SORBS2: variants seen among roughly 807,000 people sequenced by gnomAD.
SORBS2 encodes sorbin and SH3 domain containing 2.
Under a neutral mutation model 97.7 loss-of-function variants are expected in SORBS2, and 46 were observed. The observed-to-expected ratio is 0.47, with a 90% CI of 0.37 to 0.60. The LOEUF (loss-of-function observed/expected upper bound fraction) is 0.60, where lower values mean the gene tolerates loss of function less well. Among genes scored for constraint, SORBS2 ranks in the 20% least tolerant of loss-of-function variants. SORBS2 has a pLI of 0.00. For missense variants in SORBS2, 1,316 were observed against 1,282.3 expected (o/e 1.03, Z -0.40); for synonymous variants, 476 against 473.4 (o/e 1.01, Z -0.07).
intron 1 of SORBS2, among the ~76,000 whole-genome samples, chr4:185,815,853 G>C (rs4862576): frequency 0.99 from 150,532 of 152,324 alleles, 74,408 homozygotes; most frequent in Middle Eastern, 1. Flanking sequence ...ACTATTCTTT[G>C]CACTTTTCTA....
At chr4:185,620,139 G>A in exon 8 of SORBS2, 1 of 1,606,622 alleles carries the variant, frequency 6.2e-7, no homozygotes. Flanking sequence ...GTAACTTCTA[G>A]GGGACTCACG....
At chr4:185,878,547 G>A (rs1470807432) in intron 1 of SORBS2, among the ~76,000 whole-genome samples, 2 of 152,098 alleles carry the variant, frequency 1.3e-5, no homozygotes, top group Non-Finnish European at 2.9e-5. Flanking sequence ...ATGTCCTGTG[G>A]ACTTTGCCGC....
chr4:185,694,724 T>TTTTTTTTTTG (rs2098149296), intron 2 of SORBS2, among the ~76,000 whole-genome samples: 1 of 148,040 alleles, frequency 6.8e-6, no homozygotes, highest in Non-Finnish European at 1.5e-5. Flanking sequence ...TTCTTTTTTT[T>TTTTTTTTTTG]GAGACGGAGT....
intron 1 of SORBS2, among the ~76,000 whole-genome samples, chr4:185,915,395 A>T (rs1002241042): frequency 6.6e-6 from 1 of 152,214 alleles, no homozygotes; most frequent in Non-Finnish European, 1.5e-5. Context: ...TGTTGGCCAG[A>T]AACCTAAATA....
At chr4:185,842,384 A>T (rs2099212064) in intron 1 of SORBS2, among the ~76,000 whole-genome samples, 1 of 152,196 alleles carries the variant, frequency 6.6e-6, no homozygotes, top group African/African-American at 2.4e-5. Flanking sequence ...GTGTCAGAAG[A>T]TGAGACCTGA....
chr4:185,928,607 G>A (rs952893279), intron 1 of SORBS2, among the ~76,000 whole-genome samples: 11 of 151,906 alleles, frequency 7.2e-5, no homozygotes, highest in South Asian at 2.1e-4. Context: ...GTGCAGTGGC[G>A]CGATCTTGGC....
chr4:185,767,185 G>A (rs990729317), intron 2 of SORBS2, among the ~76,000 whole-genome samples: 2 of 151,998 alleles, frequency 1.3e-5, no homozygotes. Context: ...CTGGACCAAT[G>A]GTTTTCTTGT....
chr4:185,905,704 T>A (rs572210602), intron 1 of SORBS2, among the ~76,000 whole-genome samples: 1 of 152,044 alleles, frequency 6.6e-6, no homozygotes, highest in Admixed American at 6.6e-5. Context: ...CCTCAAGCAA[T>A]CCTCCCACCT....
At chr4:185,586,725 G>GAAT (rs1325894293) in exon 15 of SORBS2, 1 of 152,562 alleles carries the variant, frequency 6.6e-6, no homozygotes, top group Non-Finnish European at 1.5e-5. Context: ...GTGTCTGTTA[G>GAAT]AATAATTCTT....
At chr4:185,919,645 C>A (rs1052725390) in intron 1 of SORBS2, among the ~76,000 whole-genome samples, 2 of 152,316 alleles carry the variant, frequency 1.3e-5, no homozygotes, top group African/African-American at 4.8e-5. Context: ...GTCAAACCCG[C>A]ATCAGAAAAG....
chr4:185,643,261 G>A (rs2097156698), intron 4 of SORBS2, among the ~76,000 whole-genome samples: 1 of 152,184 alleles, frequency 6.6e-6, no homozygotes, highest in Non-Finnish European at 1.5e-5. Flanking sequence ...AAGAGGTGGT[G>A]GGGAGAGCTT....
At chr4:185,721,074 C>A (rs951416427) in intron 2 of SORBS2, among the ~76,000 whole-genome samples, 4 of 133,316 alleles carry the variant, frequency 3.0e-5, no homozygotes, top group African/African-American at 1.1e-4. Flanking sequence ...CTCCTGCTTT[C>A]CCACCTATTC....
intron 1 of SORBS2, among the ~76,000 whole-genome samples, chr4:185,867,675 T>A (rs1053310015): frequency 1.3e-5 from 2 of 152,154 alleles, no homozygotes; most frequent in African/African-American, 4.8e-5. Context: ...TGAGCTCTAT[T>A]CCTGTCATGC....
chr4:185,949,611 G>A (rs1350777998), intron 1 of SORBS2, among the ~76,000 whole-genome samples: 2 of 152,010 alleles, frequency 1.3e-5, no homozygotes, highest in African/African-American at 4.8e-5. Context: ...AAGGAATAAT[G>A]TTAAAAAATT....
upstream of SORBS2, among the ~76,000 whole-genome samples, chr4:185,658,552 G>C (rs550014282): frequency 1.3e-5 from 2 of 152,186 alleles, no homozygotes; most frequent in African/African-American, 4.8e-5. Flanking sequence ...TGTCAGGACT[G>C]CCACTCAGAA....
intron 2 of SORBS2, among the ~76,000 whole-genome samples, chr4:185,651,010 G>A (rs933644796): frequency 6.6e-6 from 1 of 152,120 alleles, no homozygotes; most frequent in Non-Finnish European, 1.5e-5. Context: ...GACCCCAAGT[G>A]AGGTTGCAGC....
chr4:185,802,097 T>C (rs965899308), intron 1 of SORBS2, among the ~76,000 whole-genome samples: 1 of 152,236 alleles, frequency 6.6e-6, no homozygotes, highest in South Asian at 2.1e-4. Context: ...CTAACAAACT[T>C]CAATTCTCTG....
intron 4 of SORBS2, 33 bp downstream of exon 14, chr4:185,638,844 G>GCATGAAGAAAGGTAAGGAAGGAAGGAGCT (rs1344739674): frequency 2.1e-6 from 3 of 1,424,602 alleles, no homozygotes; most frequent in Non-Finnish European, 2.7e-6. Context: ...CCTCTGCCGG[G>GCATGAAGAAAGGTAAGGAAGGAAGGAGCT]CATGAAGAAA....
chr4:185,832,637 T>A (rs1162823722), intron 1 of SORBS2, among the ~76,000 whole-genome samples: 1 of 152,256 alleles, frequency 6.6e-6, no homozygotes, highest in Non-Finnish European at 1.5e-5. Flanking sequence ...ATCTTAAAGT[T>A]ACTCTCATCC....
Sources: gnomAD v4.1 joint callset for allele counts (sites outside exome capture counted in the v4.1 genomes callset) on GRCh38, gnomAD v4.1.1 for gene constraint, MANE v1.5 for transcripts, NCBI Gene and HGNC (gene_info 2026-07-23, HGNC 2026-07-21) for gene names.